TENM4: variants seen among roughly 807,000 people sequenced by gnomAD.
TENM4 encodes the protein teneurin transmembrane protein 4.
A neutral mutation model predicts 243.3 loss-of-function variants in TENM4; 82 were observed. That is an observed-to-expected ratio of 0.34 (90% CI 0.28 to 0.40). The LOEUF (loss-of-function observed/expected upper bound fraction) is 0.40, where lower values mean the gene tolerates loss of function less well. Ranked by LOEUF, TENM4 falls within the 10% of genes least tolerant of loss-of-function variation. The pLI is 1.00. For missense variants in TENM4, 3,138 were observed against 3,673.3 expected, an observed-to-expected ratio of 0.85 and a Z score of 3.77; for synonymous variants, 1,412 against 1,456.3, an observed-to-expected ratio of 0.97 and a Z score of 0.69.
intron 2 of TENM4, among the ~76,000 whole-genome samples, chr11:79,222,335 C>T (rs549518169): frequency 6.6e-6 from 1 of 152,260 alleles, no homozygotes; most frequent in African/African-American, 2.4e-5. Flanking sequence ...GACATTATCT[C>T]GTTCCTTTTT....
chr11:79,314,274 A>G (rs1020475028), intron 1 of TENM4, among the ~76,000 whole-genome samples: 3 of 152,236 alleles, frequency 2.0e-5, no homozygotes, highest in Non-Finnish European at 4.4e-5. Flanking sequence ...ATCACTAAGC[A>G]TAGTGCCTGG....
At chr11:79,019,663 G>C (rs1035432375) in intron 6 of TENM4, among the ~76,000 whole-genome samples, 13 of 152,174 alleles carry the variant, frequency 8.5e-5, no homozygotes, top group African/African-American at 3.1e-4. Flanking sequence ...TCTATACCAT[G>C]TACAGGCTCT....
At chr11:78,903,819 T>A (rs1855997454) in intron 6 of TENM4, 1 of 660,454 alleles carries the variant, frequency 1.5e-6, no homozygotes, top group Admixed American at 2.1e-5. Context: ...TCTCAGCAAC[T>A]TCACATTGTT....
intron 9 of TENM4, among the ~76,000 whole-genome samples, chr11:78,879,719 C>T (rs1351116302): frequency 6.6e-6 from 1 of 151,134 alleles, no homozygotes; most frequent in Non-Finnish European, 1.5e-5. Context: ...TGAGGAGCGC[C>T]TCTGCACGGC....
At chr11:78,729,168 C>T (rs1236311957) in intron 22 of TENM4, among the ~76,000 whole-genome samples, 1 of 152,164 alleles carries the variant, frequency 6.6e-6, no homozygotes, top group Admixed American at 6.5e-5. Context: ...GGTTCTGTAG[C>T]CTCATTGTAA....
At chr11:79,011,442 C>G (rs1162219265) in intron 6 of TENM4, among the ~76,000 whole-genome samples, 1 of 152,228 alleles carries the variant, frequency 6.6e-6, no homozygotes, top group Non-Finnish European at 1.5e-5. Context: ...GGTGCGTTTT[C>G]TAGTTGCCTG....
chr11:79,290,038 C>T (rs149070098), intron 2 of TENM4, among the ~76,000 whole-genome samples: 222 of 151,954 alleles, frequency 1.5e-3, no homozygotes, highest in Non-Finnish European at 2.5e-3. Flanking sequence ...TCAGGTGATC[C>T]GCCCACCTCA....
intron 4 of TENM4, among the ~76,000 whole-genome samples, chr11:79,077,826 T>C (rs562850387): frequency 5.9e-5 from 9 of 152,326 alleles, no homozygotes; most frequent in African/African-American, 1.9e-4. Context: ...GCAAAATGCA[T>C]GTGGCAGAGA....
intron 19 of TENM4, among the ~76,000 whole-genome samples, chr11:78,740,088 C>T (rs1565358265): frequency 6.6e-6 from 1 of 152,344 alleles, no homozygotes; most frequent in Middle Eastern, 3.4e-3. Context: ...ACCACATAAC[C>T]TTCTCTATTC....
At chr11:78,744,056 C>T (rs1329082321) in intron 19 of TENM4, among the ~76,000 whole-genome samples, 2 of 152,228 alleles carry the variant, frequency 1.3e-5, no homozygotes, top group Non-Finnish European at 2.9e-5. Flanking sequence ...CTGCTAACTT[C>T]TGCTGATTGA....
intron 4 of TENM4, among the ~76,000 whole-genome samples, chr11:79,072,701 C>T (rs1202072371): frequency 6.6e-6 from 1 of 152,142 alleles, no homozygotes; most frequent in Non-Finnish European, 1.5e-5. Context: ...CCAATACTGG[C>T]TTTCAACGCA....
intron 6 of TENM4, among the ~76,000 whole-genome samples, chr11:79,058,419 C>T (rs916853346): frequency 1.3e-5 from 2 of 152,008 alleles, no homozygotes; most frequent in African/African-American, 4.8e-5. Flanking sequence ...GTGGTGGGCG[C>T]CTGTAGTCCC....
chr11:78,979,410 T>C (rs1857739729), intron 6 of TENM4, among the ~76,000 whole-genome samples: 2 of 152,140 alleles, frequency 1.3e-5, no homozygotes, highest in Non-Finnish European at 2.9e-5. Flanking sequence ...ATCAAGGCCT[T>C]AATTGATGGA....
chr11:78,822,988 G>T (rs930135960), intron 12 of TENM4, among the ~76,000 whole-genome samples: 12 of 152,288 alleles, frequency 7.9e-5, no homozygotes, highest in Middle Eastern at 3.4e-3. Flanking sequence ...AAGCGGCCCC[G>T]AGGTTAGCCT....
At chr11:79,166,689 C>T (rs1431746618) in intron 3 of TENM4, among the ~76,000 whole-genome samples, 3 of 152,166 alleles carry the variant, frequency 2.0e-5, no homozygotes, top group Non-Finnish European at 4.4e-5. Flanking sequence ...TGCATTCAGT[C>T]GGTCTAGCTC....
chr11:79,125,549 G>C (rs964319086), intron 4 of TENM4, among the ~76,000 whole-genome samples: 3 of 152,158 alleles, frequency 2.0e-5, no homozygotes, highest in Non-Finnish European at 4.4e-5. Flanking sequence ...ATGGGACCCT[G>C]CAACTTGGAA....
At chr11:79,244,671 A>C (rs1004364730) in intron 2 of TENM4, among the ~76,000 whole-genome samples, 1 of 152,172 alleles carries the variant, frequency 6.6e-6, no homozygotes, top group African/African-American at 2.4e-5. Context: ...CTCAGTCCAA[A>C]CTTACAAAAG....
intron 3 of TENM4, among the ~76,000 whole-genome samples, chr11:79,205,506 A>G (rs891381981): frequency 1.3e-5 from 2 of 152,226 alleles, no homozygotes; most frequent in African/African-American, 4.8e-5. Context: ...CCTCAACTCC[A>G]TCAGCCACTC....
intron 1 of TENM4, among the ~76,000 whole-genome samples, chr11:79,375,903 C>T (rs1401267173): frequency 6.6e-6 from 1 of 152,118 alleles, no homozygotes; most frequent in South Asian, 2.1e-4. Context: ...ATTGTGGGAT[C>T]ACCACAGTGG....
Sources: allele counts gnomAD v4.1 joint callset (sites outside exome capture counted in the v4.1 genomes callset), GRCh38; gene constraint gnomAD v4.1.1; transcripts MANE v1.5; gene names NCBI Gene and HGNC (gene_info 2026-07-23, HGNC 2026-07-21).